HUWE1: variants seen among roughly 807,000 people sequenced by gnomAD.
HUWE1 encodes HECT, UBA and WWE domain containing E3 ubiquitin protein ligase 1.
A neutral mutation model predicts 299.4 loss-of-function variants in HUWE1; 18 were observed. The ratio of observed to expected loss-of-function variants is 0.06; its 90% CI spans 0.04 to 0.09. The LOEUF is 0.09. HUWE1 is among the 10% of genes least tolerant of loss of function. The pLI is 1.00. For missense variants in HUWE1, 1,832 were observed against 3,462.3 expected, an observed-to-expected ratio of 0.53 and a Z score of 11.82; for synonymous variants, 1,317 against 1,286.1, an observed-to-expected ratio of 1.02 and a Z score of -0.51.
At chrX:53,626,216 CGTGTGTGTGTGTGTGT>C (rs58080331) in intron 17 of HUWE1, among the ~76,000 whole-genome samples, 5 of 94,899 alleles carry the variant, frequency 5.3e-5, no homozygotes, top group African/African-American at 1.2e-4. Flanking sequence ...CATACATACA[CGTGTGTGTGTGTGTGT>C]GTGTGTGTGT....
At chrX:53,645,084 A>C (rs1557034478) in intron 7 of HUWE1, among the ~76,000 whole-genome samples, 1 of 112,316 alleles carries the variant, frequency 8.9e-6, no homozygotes. Flanking sequence ...GCCACTTTTG[A>C]ACAGAGAGAT....
At chrX:53,676,074 CCTCACCA>C (rs1557051036) in intron 3 of HUWE1, among the ~76,000 whole-genome samples, 1 of 111,512 alleles carries the variant, frequency 9.0e-6, no homozygotes. Context: ...CCCTATCCTG[CCTCACCA>C]CTGATGATCC....
intron 22 of HUWE1, among the ~76,000 whole-genome samples, chrX:53,615,525 G>A (rs1416583390): frequency 9.0e-6 from 1 of 111,681 alleles, no homozygotes; most frequent in East Asian, 2.8e-4. Context: ...ACTGCACCCA[G>A]GCTAAAAAAA....
Position 53,573,199 on chromosome X carries a change from ACT to A in HUWE1, c.6312+549_6312+550del, listed in dbSNP as rs782441007. 3.6e-5 allele frequency among the ~76,000 whole-genome samples: 4 copies of A among 110,944 alleles called. No individual in the cohort carries two copies. In the South Asian group the frequency reaches 1.5e-3, roughly 43 times the overall value. On this transcript the variant is annotated intron_variant, in intron 47 of 83. Coordinates refer to ENST00000262854, the MANE Select transcript of HUWE1 (RefSeq NM_031407.7). ...ACTTTCAATAGAACAAATCTCATTA[ACT>A]CTCTCTCTCAGTGAACCTAATGAAA...
chrX:53,569,810 A>C lies in HUWE1; in HGVS notation c.6330T>G (p.Ala2110=), dbSNP rs781974250. The part of the protein sequence containing the change: ...ELIKEDCSVL[A]FVLDHLLPHT... ...GTGGGAGCAGGTGGTCCAGAACAAA[A>C]GCTAGCACACTGCAGTCCTGAAAAG... Residue 2110 remains alanine (A), a synonymous_variant, in exon 48 of 84, where the codon GCT becomes GCG. Transcript: ENST00000262854. The C allele has an allele frequency of 2.5e-6, 3 of 1,209,470 alleles. No individual in the cohort carries two copies. Among genetic ancestry groups the C allele is most frequent in the Admixed American group, 4.4e-5 (2 of 45,860 alleles).
chrX:53,633,628 A>G lies in HUWE1; in HGVS notation c.567+608T>C, dbSNP rs782063110. Among the ~76,000 whole-genome samples the G allele has an allele frequency of 4.4e-5, 5 of 112,598 alleles. No individual in the cohort carries two copies. In the South Asian group the frequency reaches 1.8e-3, roughly 41 times the overall value. On this transcript the variant is annotated intron_variant, in intron 8 of 83. Coordinates refer to ENST00000262854, the MANE Select transcript of HUWE1 (RefSeq NM_031407.7). ...CAGCCATTTGTGCTAAACACGACAA[A>G]CTGACAAGACAAATCCCACGTGGAA... is the stretch of plus-strand genomic sequence containing the variant.
In HUWE1 at chrX:53,651,358, C is replaced by A. The variant is rs180911111; in HGVS notation, c.45+2705G>T. 2.4e-3 allele frequency among the ~76,000 whole-genome samples: 259 copies of A among 108,598 alleles called. 1 individual carries two copies. Among genetic ancestry groups the A allele is most frequent in the Middle Eastern group, 9.7e-3 (2 of 206 alleles). 94.3% of individuals were successfully genotyped at this position (108,598 alleles called of 115,157 possible). ...TAAGAATACTTAACGTGAGATCTACCCTCGTAACAAATTTTTAAGTAGAGT... is the reference window on the plus strand; with the variant it reads ...TAAGAATACTTAACGTGAGATCTACACTCGTAACAAATTTTTAAGTAGAGT... On this transcript the variant is annotated intron_variant, in intron 4 of 83. Coordinates refer to ENST00000262854, the MANE Select transcript of HUWE1 (RefSeq NM_031407.7).
chrX:53,580,280 G>A (rs782046986), intron 43 of HUWE1, among the ~76,000 whole-genome samples: 1 of 111,836 alleles, frequency 8.9e-6, no homozygotes, highest in African/African-American at 3.2e-5. Context: ...GCCCAACCAA[G>A]GCTGGTGGTG....
intron 19 of HUWE1, among the ~76,000 whole-genome samples, chrX:53,618,182 A>G (rs2065905609): frequency 8.9e-6 from 1 of 112,279 alleles, no homozygotes; most frequent in African/African-American, 3.2e-5. Flanking sequence ...ATTCAGTGAA[A>G]ACGAAAGCAA....
chrX:53,559,445 T>C lies in HUWE1; in HGVS notation c.7824A>G (p.Val2608=), dbSNP rs1341240536. The change falls in exon 57 of 84, where the codon GTA becomes GTG. Residue 2608 remains valine, a synonymous_variant. Coordinates refer to ENST00000262854, the MANE Select transcript of HUWE1 (RefSeq NM_031407.7). ...CGATGATGTGGACGTCATCGTTGCCTACCAGGAGGCGGGCCCGACCCCGGC... is the reference window on the plus strand; with the variant it reads ...CGATGATGTGGACGTCATCGTTGCCCACCAGGAGGCGGGCCCGACCCCGGC... ...LQSRGRARLL[V]GNDDVHIIAR... is the part of the protein sequence containing the mutation. 2 of 1,209,217 alleles carry C rather than the reference T, an allele frequency of 1.7e-6. No homozygotes were observed. Among genetic ancestry groups the C allele is most frequent in the Non-Finnish European group, 1.1e-6 (1 of 894,672 alleles).
At chrX:53,635,096 G>A (rs2067121941) in intron 7 of HUWE1, among the ~76,000 whole-genome samples, 1 of 110,523 alleles carries the variant, frequency 9.0e-6, no homozygotes, top group South Asian at 3.7e-4. Flanking sequence ...AAGGCATATA[G>A]TTCAGGCAAA....
chrX:53,645,677 C>T (rs1557035074), intron 6 of HUWE1, among the ~76,000 whole-genome samples: 1 of 95,766 alleles, frequency 1.0e-5, no homozygotes, highest in Non-Finnish European at 2.0e-5. Flanking sequence ...CACGCCACTG[C>T]ACTCCAGCCT....
chrX:53,541,329 T>G (rs2061334867), intron 74 of HUWE1, among the ~76,000 whole-genome samples: 1 of 112,064 alleles, frequency 8.9e-6, no homozygotes, highest in Non-Finnish European at 1.9e-5. Context: ...GGCTCATGCC[T>G]GTAATCCCAG....
At chrX:53,533,805 C>G (rs1052288743) in intron 83 of HUWE1, 19 of 477,626 alleles carry the variant, frequency 4.0e-5, no homozygotes, top group Non-Finnish European at 6.0e-5. Context: ...GTGCTGTTTA[C>G]CTGACAGTGT....
At chrX:53,658,151 G>T (rs1465241517) in intron 3 of HUWE1, among the ~76,000 whole-genome samples, 1 of 107,683 alleles carries the variant, frequency 9.3e-6, no homozygotes, top group African/African-American at 3.4e-5. Flanking sequence ...GAAAAACTTA[G>T]ATATAAATCT....
intron 4 of HUWE1, 85 bp from the exon 5 acceptor site, chrX:53,648,395 C>A: frequency 1.8e-6 from 1 of 551,016 alleles, no homozygotes; most frequent in South Asian, 2.4e-5. Context: ...CCCTTAAGCT[C>A]ACACAGCAAT....
In HUWE1 at chrX:53,559,143, C is replaced by T. The variant is rs782196636; in HGVS notation, c.7916-83G>A. On this transcript the variant is annotated intron_variant, in intron 57 of 83. Coordinates refer to ENST00000262854, the MANE Select transcript of HUWE1 (RefSeq NM_031407.7). ...ACCGATCCAAAAATTGCAGTATTTC[C>T]CTAAAAGGACCCAAGGTCTATCACA... The T allele has an allele frequency of 6.4e-5, 53 of 821,996 alleles. No homozygotes were observed. The African/African-American group carries it at 9.2e-4, about 14-fold the overall frequency. The allele number at this position is 821,996 out of a possible 1,213,427, so 67.7% of individuals were successfully genotyped here.
Position 53,584,177 on chromosome X carries a change from G to A in HUWE1, c.5161+9C>T, listed in dbSNP as rs1556970882. 2 of 1,203,942 alleles carry A rather than the reference G, an allele frequency of 1.7e-6. No homozygotes were observed. ...CATTAGCTTTAGGTAAAACACTCTT[G>A]GTACATACCATTGCCTTTATTTTCT... On this transcript the variant is annotated intron_variant, in intron 41 of 83. Transcript: ENST00000262854.
chrX:53,632,339 C>T lies in HUWE1; in HGVS notation c.645+148G>A, dbSNP rs782037699. ...AGAGTTGGGGATGCAATTAACACTC[C>T]TGAGGAGCTGCTAGGTATATTTATA... On this transcript the variant is annotated intron_variant, in intron 9 of 83. Transcript: ENST00000262854. The T allele has an allele frequency of 5.7e-5, 28 of 492,038 alleles. No homozygotes were observed. In the East Asian group the frequency reaches 1.1e-3, roughly 18 times the overall value. 40.5% of individuals were successfully genotyped at this position (492,038 alleles called of 1,213,427 possible). A position where few individuals can be genotyped will look rare whatever the true frequency, so the allele number is the denominator to read the frequency against.
Sources: allele counts gnomAD v4.1 joint callset (sites outside exome capture counted in the v4.1 genomes callset), GRCh38; gene constraint gnomAD v4.1.1; transcripts MANE v1.5; gene names NCBI Gene and HGNC (gene_info 2026-07-23, HGNC 2026-07-21).